The following MARCHF10 variants were observed in gnomAD, a reference collection of about 807,000 sequenced individuals.
The protein encoded by MARCHF10 is probable E3 ubiquitin-protein ligase MARCHF10.
A neutral mutation model predicts 76.2 loss-of-function variants in MARCHF10; 64 were observed. The observed-to-expected ratio is 0.84, with a 90% CI of 0.69 to 1.03. The LOEUF is 1.03. MARCHF10 is among the 50% of genes least tolerant of loss of function. The pLI is 0.00. For synonymous variants in MARCHF10, 340 were observed against 357.5 expected, an observed-to-expected ratio of 0.95 and a Z score of 0.55; for missense variants, 875 against 958.0, an observed-to-expected ratio of 0.91 and a Z score of 1.14.
chr17:62,742,410 T>C (rs2091547949), intron 5 of MARCHF10, among the ~76,000 whole-genome samples: 1 of 152,226 alleles, frequency 6.6e-6, no homozygotes, highest in Non-Finnish European at 1.5e-5. Context: ...TTGCTTCAAC[T>C]CTTTCACTGA....
chr17:62,732,287 T>C (rs1321351378), intron 6 of MARCHF10, among the ~76,000 whole-genome samples: 1 of 152,168 alleles, frequency 6.6e-6, no homozygotes, highest in African/African-American at 2.4e-5. Context: ...TCAAGGACTC[T>C]TCAAAAAAGT....
intron 3 of MARCHF10, among the ~76,000 whole-genome samples, chr17:62,761,489 T>G (rs2092201174): frequency 6.6e-6 from 1 of 152,308 alleles, no homozygotes; most frequent in East Asian, 1.9e-4. Context: ...TGGTGCCACC[T>G]TGGCTCACTG....
In MARCHF10 at chr17:62,736,738, G is replaced by A; in HGVS notation, c.1130C>T (p.Pro377Leu). ...AGCAGATTCCCTATCAGGCAGCCCG[G>A]GGTCTTGGGACAACCTTTGCCCAGC... The part of the protein sequence containing the change: ...PSAGQRLSQD[P>L]GLPDRESATE... Residue 377 changes from proline (P) to leucine (L), a missense_variant, in exon 6 of 11, where the codon CCC becomes CTC. Physicochemically the swap from Pro to Leu is moderately conservative, Grantham distance 98. Transcript: ENST00000311269. 6.2e-7 allele frequency: 1 copy of A among 1,613,830 alleles called. No individual in the cohort carries two copies. The highest frequency in any genetic ancestry group is 1.3e-5 in the African/African-American group (1 of 75,034).
At chr17:62,757,497 A>G (rs1239235498) in intron 4 of MARCHF10, among the ~76,000 whole-genome samples, 3 of 152,316 alleles carry the variant, frequency 2.0e-5, no homozygotes, top group African/African-American at 7.2e-5. Flanking sequence ...AATCCTTGCC[A>G]TGTCTCAGTT....
intron 9 of MARCHF10, among the ~76,000 whole-genome samples, chr17:62,705,975 C>G (rs537282291): frequency 1.3e-4 from 20 of 152,350 alleles, no homozygotes; most frequent in African/African-American, 4.8e-4. Context: ...CGCTTGTATT[C>G]TCTGCGCGGC....
rs751459652 is a variant in MARCHF10, at chr17:62,792,726, ACCAC to A, written c.91-4131_91-4128del. On this transcript the variant is annotated intron_variant, in intron 2 of 10. Coordinates refer to ENST00000311269, the MANE Select transcript of MARCHF10 (RefSeq NM_152598.4). The stretch of plus-strand genomic sequence containing the variant: ...CATCACTACAACCATCACCACCACC[ACCAC>A]CATCACCACCACCACCTCCATCACC... Among the ~76,000 whole-genome samples, 43 of 142,602 alleles carry A rather than the reference ACCAC, an allele frequency of 3.0e-4. 1 individual carries two copies. The East Asian group carries it at 5.1e-3, about 17-fold the overall frequency. The allele number at this position is 142,602 out of a possible 152,430, so 93.6% of individuals were successfully genotyped here.
chr17:62,793,534 A>G lies in MARCHF10; in HGVS notation c.91-4935T>C, dbSNP rs563370044. Among the ~76,000 whole-genome samples, 98 of 116,004 alleles carry G rather than the reference A, an allele frequency of 8.4e-4. 1 individual carries two copies. The highest frequency in any genetic ancestry group is 3.0e-3 in the African/African-American group (87 of 28,768). 76.1% of individuals were successfully genotyped at this position (116,004 alleles called of 152,430 possible). On this transcript the variant is annotated intron_variant, in intron 2 of 10. Transcript: ENST00000311269. Reference sequence around the variant, plus strand: ...CACCACCACCACCACCTCCATCACCACCACCACCACCTCCACTGCCACCAC... The same window carrying G: ...CACCACCACCACCACCTCCATCACCGCCACCACCACCTCCACTGCCACCAC...
At chr17:62,789,005 G>A (rs1440487638) in intron 2 of MARCHF10, among the ~76,000 whole-genome samples, 3 of 140,930 alleles carry the variant, frequency 2.1e-5, no homozygotes, top group Non-Finnish European at 4.6e-5. Flanking sequence ...GGAGCTTGCA[G>A]TGAGCCGAGA....
chr17:62,732,643 G>C (rs1335196404), intron 6 of MARCHF10, among the ~76,000 whole-genome samples: 1 of 152,028 alleles, frequency 6.6e-6, no homozygotes, highest in African/African-American at 2.4e-5. Flanking sequence ...ATAGCATAAC[G>C]ATATCAGGTT....
At chr17:62,770,686 G>A (rs879747207) in intron 3 of MARCHF10, among the ~76,000 whole-genome samples, 3 of 151,530 alleles carry the variant, frequency 2.0e-5, no homozygotes, top group South Asian at 2.1e-4. Context: ...GATTACAGGC[G>A]TGGACCACCA....
At chr17:62,716,362 T>A (rs1332541217) in intron 8 of MARCHF10, among the ~76,000 whole-genome samples, 1 of 148,822 alleles carries the variant, frequency 6.7e-6, no homozygotes, top group African/African-American at 2.5e-5. Flanking sequence ...GAGGCCAAGG[T>A]GGGAAGATCA....
At chr17:62,713,995 C>G (rs911813019) in intron 8 of MARCHF10, among the ~76,000 whole-genome samples, 5 of 152,220 alleles carry the variant, frequency 3.3e-5, no homozygotes, top group Non-Finnish European at 7.3e-5. Context: ...CTTAAAGAAG[C>G]TGACAGCCTG....
intron 4 of MARCHF10, among the ~76,000 whole-genome samples, chr17:62,752,119 T>C (rs546444941): frequency 6.6e-6 from 1 of 152,188 alleles, no homozygotes; most frequent in African/African-American, 2.4e-5. Context: ...GTAAATATTA[T>C]CCACTTCTTT....
chr17:62,765,648 C>A (rs891992422), intron 3 of MARCHF10, among the ~76,000 whole-genome samples: 36 of 152,120 alleles, frequency 2.4e-4, no homozygotes, highest in Non-Finnish European at 4.1e-4. Flanking sequence ...CACTATGGAA[C>A]GGCCAGAGTG....
At chr17:62,798,902 G>A (rs192234128) in intron 2 of MARCHF10, among the ~76,000 whole-genome samples, 1 of 152,236 alleles carries the variant, frequency 6.6e-6, no homozygotes, top group Admixed American at 6.5e-5. Context: ...CTGGGTACCA[G>A]CAGGAAGAGG....
intron 8 of MARCHF10, among the ~76,000 whole-genome samples, chr17:62,716,445 A>G (rs1568102550): frequency 6.6e-6 from 1 of 151,372 alleles, no homozygotes; most frequent in Admixed American, 6.6e-5. Context: ...AAAAAAAAAA[A>G]AGAAAAAAAG....
intron 2 of MARCHF10, among the ~76,000 whole-genome samples, chr17:62,795,356 C>CAAAAAAAAAAAAA (rs61564298): frequency 5.7e-5 from 3 of 52,936 alleles, no homozygotes; most frequent in African/African-American, 2.1e-4. Context: ...ATCATTTGAT[C>CAAAAAAAAAAAAA]AAAAAAAAAA....
chr17:62,784,599 T>A (rs1483162698), intron 3 of MARCHF10, among the ~76,000 whole-genome samples: 1 of 152,194 alleles, frequency 6.6e-6, no homozygotes. Context: ...TGTTTGCAGA[T>A]GACATGATTG....
At chr17:62,748,051 T>C (rs1294278777) in intron 4 of MARCHF10, among the ~76,000 whole-genome samples, 2 of 152,190 alleles carry the variant, frequency 1.3e-5, no homozygotes, top group Non-Finnish European at 2.9e-5. Context: ...TGTCTGTAAG[T>C]GCAGTCACAA....
Sources: allele counts gnomAD v4.1 joint callset (sites outside exome capture counted in the v4.1 genomes callset), GRCh38; gene constraint gnomAD v4.1.1; transcripts MANE v1.5; gene names NCBI Gene and HGNC (gene_info 2026-07-23, HGNC 2026-07-21).